The following PDE1C variants were observed in gnomAD, a reference collection of about 807,000 sequenced individuals.
PDE1C encodes phosphodiesterase 1C, also known as dual specificity calcium/calmodulin-dependent 3',5'-cyclic nucleotide phosphodiesterase 1C.
A neutral mutation model predicts 93.1 loss-of-function variants in PDE1C; 62 were observed. The ratio of observed to expected loss-of-function variants is 0.67; its 90% CI spans 0.54 to 0.82. PDE1C has a LOEUF of 0.82. Among genes scored for constraint, PDE1C ranks in the 40% least tolerant of loss-of-function variants. The probability of loss-of-function intolerance (pLI) is 0.00; values close to 1 mark genes in which losing one functional copy is unlikely to be tolerated. For missense variants in PDE1C, 742 were observed against 884.6 expected, an observed-to-expected ratio of 0.84 and a Z score of 2.04; for synonymous variants, 325 against 310.1, an observed-to-expected ratio of 1.05 and a Z score of -0.50.
At chr7:32,106,815 A>T (rs1202677673) in intron 3 of PDE1C, among the ~76,000 whole-genome samples, 1 of 152,256 alleles carries the variant, frequency 6.6e-6, no homozygotes. Context: ...ACAAAAACAT[A>T]ATCTGAAGTA....
At chr7:31,904,198 A>G (rs145112643) in intron 2 of PDE1C, among the ~76,000 whole-genome samples, 1 of 152,214 alleles carries the variant, frequency 6.6e-6, no homozygotes, top group Non-Finnish European at 1.5e-5. Flanking sequence ...TACACACCAC[A>G]TTAGGACAGA....
At chr7:31,751,170 A>G (rs1437222439), downstream of PDE1C, 1 of 152,226 alleles carries the variant, frequency 6.6e-6, no homozygotes, top group Non-Finnish European at 1.5e-5. Context: ...TGGCTCACAT[A>G]CAAGAAAGTC....
chr7:32,329,237 G>T (rs1783464735), intron 1 of PDE1C, among the ~76,000 whole-genome samples: 2 of 152,094 alleles, frequency 1.3e-5, no homozygotes. Context: ...TAAATAAAAA[G>T]TAAATAGTAT....
intron 2 of PDE1C, among the ~76,000 whole-genome samples, chr7:31,978,117 G>A (rs1432245136): frequency 7.9e-5 from 12 of 152,094 alleles, no homozygotes; most frequent in Admixed American, 7.9e-4. Context: ...TTCATACACT[G>A]CACCCCCACC....
intron 1 of PDE1C, among the ~76,000 whole-genome samples, chr7:32,314,732 A>C (rs1043565057): frequency 6.6e-6 from 1 of 152,120 alleles, no homozygotes; most frequent in South Asian, 2.1e-4. Context: ...CAACAGAATT[A>C]CCGAGAGCAC....
intron 2 of PDE1C, among the ~76,000 whole-genome samples, chr7:32,020,725 A>G (rs1419377354): frequency 1.3e-5 from 2 of 152,138 alleles, no homozygotes; most frequent in African/African-American, 4.8e-5. Context: ...GGCCCAAAAG[A>G]GTTCAGTCAG....
the PDE1C span, among the ~76,000 whole-genome samples, chr7:31,744,502 T>G: frequency 6.6e-6 from 1 of 152,156 alleles, no homozygotes; most frequent in African/African-American, 2.4e-5. Context: ...GAAGTGACTG[T>G]GAGCGTATCA....
At chr7:32,311,048 C>T (rs1169932904) in intron 1 of PDE1C, among the ~76,000 whole-genome samples, 1 of 151,992 alleles carries the variant, frequency 6.6e-6, no homozygotes, top group South Asian at 2.1e-4. Context: ...CAAATAGACG[C>T]AATAAAAAAT....
intron 15 of PDE1C, among the ~76,000 whole-genome samples, chr7:31,810,952 C>T (rs1787469692): frequency 6.6e-6 from 1 of 152,104 alleles, no homozygotes. Context: ...AAATACTAAG[C>T]TAAGCTAGAA....
intron 1 of PDE1C, among the ~76,000 whole-genome samples, chr7:32,342,722 G>A (rs971354980): frequency 6.6e-6 from 1 of 152,062 alleles, no homozygotes; most frequent in East Asian, 1.9e-4. Flanking sequence ...AGGCCTCTTT[G>A]TACCTTACTT....
chr7:32,099,119 T>C (rs532124914), intron 3 of PDE1C, among the ~76,000 whole-genome samples: 18 of 152,322 alleles, frequency 1.2e-4, no homozygotes, highest in Non-Finnish European at 2.1e-4. Flanking sequence ...ATGGTTACTC[T>C]TGACAATACA....
chr7:32,173,496 G>GAATAA (rs56390883), intron 2 of PDE1C, among the ~76,000 whole-genome samples: 45,958 of 150,438 alleles, frequency 0.31, 7,181 homozygotes, highest in East Asian at 0.43. Context: ...AATAAAAATA[G>GAATAA]AATAAAATAA....
chr7:31,904,749 CTA>C (rs1298581578), intron 2 of PDE1C, among the ~76,000 whole-genome samples: 1 of 152,044 alleles, frequency 6.6e-6, no homozygotes, highest in African/African-American at 2.4e-5. Context: ...ATCCTATCCT[CTA>C]TGTTTCATGC....
intron 3 of PDE1C, among the ~76,000 whole-genome samples, chr7:32,165,137 T>C (rs544662040): frequency 2.6e-5 from 4 of 152,338 alleles, no homozygotes; most frequent in Non-Finnish European, 5.9e-5. Flanking sequence ...GGGCCCACAG[T>C]GTCTGCACGT....
intron 1 of PDE1C, among the ~76,000 whole-genome samples, chr7:32,068,461 AAAT>A: frequency 6.6e-6 from 1 of 152,356 alleles, no homozygotes; most frequent in African/African-American, 2.4e-5. Flanking sequence ...TAATAATAAC[AAAT>A]AATAGCATCT....
intron 1 of PDE1C, among the ~76,000 whole-genome samples, chr7:32,065,053 G>GA (rs1404701523): frequency 3.5e-4 from 1 of 2,824 alleles, no homozygotes; most frequent in Non-Finnish European, 1.0e-3. Flanking sequence ...AACGGCGGTG[G>GA]GGGGGGGGGG....
At chr7:32,360,436 G>C (rs1181630083) in intron 1 of PDE1C, among the ~76,000 whole-genome samples, 3 of 151,756 alleles carry the variant, frequency 2.0e-5, no homozygotes, top group Non-Finnish European at 4.4e-5. Flanking sequence ...TCAAGGCAGA[G>C]GTCTTTCTCA....
At chr7:32,381,622 C>T (rs576315492) in intron 1 of PDE1C, among the ~76,000 whole-genome samples, 5 of 152,244 alleles carry the variant, frequency 3.3e-5, no homozygotes, top group Non-Finnish European at 7.4e-5. Flanking sequence ...CCTTTGAAGC[C>T]CATCCCAATT....
chr7:32,089,638 A>G (rs531591596), intron 3 of PDE1C, among the ~76,000 whole-genome samples: 12 of 152,304 alleles, frequency 7.9e-5, no homozygotes, highest in African/African-American at 2.9e-4. Context: ...CATTCATTTG[A>G]GGGTCTGCAC....
Sources: allele counts gnomAD v4.1 joint callset (sites outside exome capture counted in the v4.1 genomes callset), GRCh38; gene constraint gnomAD v4.1.1; transcripts MANE v1.5; gene names NCBI Gene and HGNC (gene_info 2026-07-23, HGNC 2026-07-21).